RTF1: variants seen among roughly 807,000 people sequenced by gnomAD.
The protein encoded by RTF1 is RTF1 homolog, Paf1/RNA polymerase II complex component.
In RTF1, 10 loss-of-function variants were observed where a neutral mutation model predicts 95.7. The observed-to-expected ratio is 0.10, with a 90% CI of 0.06 to 0.18. RTF1 has a LOEUF of 0.18. Ranked by LOEUF, RTF1 falls within the 10% of genes least tolerant of loss-of-function variation. The pLI is 1.00. For missense variants in RTF1, 458 were observed against 875.6 expected (o/e 0.52, Z 6.02); for synonymous variants, 305 against 311.8 (o/e 0.98, Z 0.23).
At chr15:41,433,172 A>G (rs2050684213) in intron 1 of RTF1, among the ~76,000 whole-genome samples, 2 of 151,824 alleles carry the variant, frequency 1.3e-5, no homozygotes, top group South Asian at 4.2e-4. Flanking sequence ...CACTTGAACC[A>G]GGGAGGCGGA....
chr15:41,452,780 A>T, intron 2 of RTF1, 121 bp from the exon 3 acceptor site: 1 of 706,926 alleles, frequency 1.4e-6, no homozygotes, highest in East Asian at 3.2e-5. Context: ...TTTTCATATG[A>T]AGTGTATTTG....
intron 1 of RTF1, among the ~76,000 whole-genome samples, chr15:41,429,614 G>A (rs1038690388): frequency 3.3e-5 from 5 of 151,960 alleles, no homozygotes; most frequent in South Asian, 2.1e-4. Context: ...CTAACCCACC[G>A]CATTCAATTC....
intron 1 of RTF1, among the ~76,000 whole-genome samples, chr15:41,437,635 A>G (rs961924758): frequency 3.3e-5 from 5 of 152,216 alleles, no homozygotes; most frequent in Non-Finnish European, 5.9e-5. Flanking sequence ...GGAGACTTCA[A>G]GTGAGAAGGG....
intron 1 of RTF1, among the ~76,000 whole-genome samples, chr15:41,435,863 C>G (rs1453202064): frequency 6.6e-6 from 1 of 152,166 alleles, no homozygotes; most frequent in Non-Finnish European, 1.5e-5. Flanking sequence ...TATCTTCTCT[C>G]TTTTGGCAGA....
intron 6 of RTF1, among the ~76,000 whole-genome samples, chr15:41,468,518 C>T (rs1051841512): frequency 6.6e-5 from 10 of 152,028 alleles, no homozygotes; most frequent in South Asian, 2.1e-4. Context: ...GGGGTTTCAC[C>T]ATGTTAGCCA....
intron 1 of RTF1, among the ~76,000 whole-genome samples, chr15:41,418,929 C>T (rs925623520): frequency 6.6e-6 from 1 of 151,772 alleles, no homozygotes; most frequent in African/African-American, 2.4e-5. Flanking sequence ...ATCTTGGCTT[C>T]ACTGCAAGCT....
chr15:41,429,436 CTT>C (rs1321915534), intron 1 of RTF1, among the ~76,000 whole-genome samples: 1 of 145,794 alleles, frequency 6.9e-6, no homozygotes, highest in Non-Finnish European at 1.5e-5. Flanking sequence ...TTGTAGTGCT[CTT>C]TTTTTTTTTT....
Position 41,478,610 on chromosome 15 carries a change from T to C in RTF1, c.1803T>C (p.Pro601=), listed in dbSNP as rs551265380. 2.5e-6 allele frequency: 4 copies of C among 1,613,816 alleles called. No individual in the cohort carries two copies. In the East Asian group the frequency reaches 8.9e-5, roughly 36 times the overall value. ...CCTTTACTCGGCGGCAGTGCAAGCC[T>C]ACCATCGTTTCTAATGTGAGTGCTG... ...MDPFTRRQCK[P]TIVSNSRDPA... is the part of the protein sequence containing the mutation. The change falls in exon 15 of 18, where the codon CCT becomes CCC. Residue 601 remains proline, a synonymous_variant. Transcript: ENST00000389629.
At position 41,481,168 on chromosome 15, in the gene RTF1, T is replaced by C. The variant is rs1202757743; in HGVS notation, c.*481T>C. On this transcript the variant is annotated 3_prime_UTR_variant, in exon 18 of 18. Coordinates refer to ENST00000389629, the MANE Select transcript of RTF1 (RefSeq NM_015138.5). ...GCACCTGCGATCCTCTTTCCTCTCT[T>C]CATCTTTCTCTTCTGCCCTTCTTTT... 1 of 147,544 alleles carries C rather than the reference T, an allele frequency of 6.8e-6. No homozygotes were observed. The highest frequency in any genetic ancestry group is 2.2e-4 in the East Asian group (1 of 4,610). 9.1% of individuals were successfully genotyped at this position (147,544 alleles called of 1,614,324 possible).
intron 2 of RTF1, chr15:41,440,442 G>C (rs1226263127): frequency 1.3e-5 from 2 of 151,294 alleles, no homozygotes; most frequent in Non-Finnish European, 2.9e-5. Context: ...CGCCCCCTTG[G>C]CCTCCCAAAG....
At chr15:41,479,685 A>AC (rs1357461246) in intron 16 of RTF1, among the ~76,000 whole-genome samples, 2 of 151,922 alleles carry the variant, frequency 1.3e-5, no homozygotes, top group Non-Finnish European at 2.9e-5. Context: ...ACATGGTAGA[A>AC]CCCCGTCTCT....
chr15:41,456,223 A>C (rs1026552783), intron 3 of RTF1, among the ~76,000 whole-genome samples: 1 of 151,652 alleles, frequency 6.6e-6, no homozygotes, highest in Non-Finnish European at 1.5e-5. Flanking sequence ...GCAGTGGCTC[A>C]TGCCAGTAAT....
intron 2 of RTF1, among the ~76,000 whole-genome samples, chr15:41,439,721 G>A (rs1371556502): frequency 1.3e-5 from 2 of 152,018 alleles, no homozygotes; most frequent in Admixed American, 6.6e-5. Flanking sequence ...GCACGATCTC[G>A]GCTCACTGCA....
chr15:41,468,596 T>C (rs143572981), intron 6 of RTF1, among the ~76,000 whole-genome samples: 4,485 of 152,218 alleles, frequency 0.029, 211 homozygotes, highest in African/African-American at 0.1. Flanking sequence ...GGATTACAGG[T>C]GTGAGCCACC....
At chr15:41,449,639 G>C (rs893268633) in intron 2 of RTF1, among the ~76,000 whole-genome samples, 5 of 151,738 alleles carry the variant, frequency 3.3e-5, no homozygotes, top group African/African-American at 1.2e-4. Context: ...CACCACACTT[G>C]GCCTGGTGAT....
intron 4 of RTF1, among the ~76,000 whole-genome samples, chr15:41,459,065 C>T (rs1434821599): frequency 6.6e-6 from 1 of 151,146 alleles, no homozygotes; most frequent in East Asian, 2.0e-4. Context: ...GAGGGAGATT[C>T]CGTCTCAAAA....
chr15:41,477,385 T>C (rs1784217378), intron 13 of RTF1, 73 bp from the exon 14 acceptor site: 4 of 1,612,460 alleles, frequency 2.5e-6, no homozygotes, highest in Non-Finnish European at 3.4e-6. Flanking sequence ...CCCATAGATA[T>C]CTGAGTTCAG....
intron 2 of RTF1, among the ~76,000 whole-genome samples, chr15:41,438,727 G>C (rs1406679506): frequency 6.6e-6 from 1 of 151,962 alleles, no homozygotes; most frequent in Non-Finnish European, 1.5e-5. Flanking sequence ...CAGGCGTGGT[G>C]GTGCACGCCT....
At chr15:41,480,507 C>T in intron 17 of RTF1, 74 bp from the exon 18 acceptor site, 1 of 1,151,410 alleles carries the variant, frequency 8.7e-7, no homozygotes. Flanking sequence ...CAGGAGGCTG[C>T]CTGCAGGAGT....
Sources: gnomAD v4.1 joint callset for allele counts (sites outside exome capture counted in the v4.1 genomes callset) on GRCh38, gnomAD v4.1.1 for gene constraint, MANE v1.5 for transcripts, NCBI Gene and HGNC (gene_info 2026-07-23, HGNC 2026-07-21) for gene names.